The following DNAJB4 variants were observed in gnomAD, a reference collection of about 807,000 sequenced individuals.
DNAJB4 encodes dnaJ homolog subfamily B member 4.
A neutral mutation model predicts 26.6 loss-of-function variants in DNAJB4; 10 were observed. That is an observed-to-expected ratio of 0.38 (90% CI 0.23 to 0.64). The LOEUF (loss-of-function observed/expected upper bound fraction) is 0.64, where lower values mean the gene tolerates loss of function less well. Ranked by LOEUF, DNAJB4 falls within the 30% of genes least tolerant of loss-of-function variation. The pLI is 0.58. For synonymous variants in DNAJB4, 136 were observed against 134.8 expected, an observed-to-expected ratio of 1.01 and a Z score of -0.06; for missense variants, 328 against 408.2, an observed-to-expected ratio of 0.80 and a Z score of 1.69.
chr1:78,012,816 CACAAACAA>C (rs71695717), intron 1 of DNAJB4, among the ~76,000 whole-genome samples: 1 of 151,326 alleles, frequency 6.6e-6, no homozygotes. Flanking sequence ...GTCTCAAAAA[CACAAACAA>C]ACAAAAATGC....
intron 1 of DNAJB4, among the ~76,000 whole-genome samples, chr1:78,012,776 T>C (rs1660525168): frequency 6.6e-6 from 1 of 151,612 alleles, no homozygotes; most frequent in South Asian, 2.1e-4. Context: ...GCCATTGCAC[T>C]CCAGCCTGGG....
At chr1:78,007,214 A>G (rs1264162130) in intron 1 of DNAJB4, among the ~76,000 whole-genome samples, 2 of 151,894 alleles carry the variant, frequency 1.3e-5, no homozygotes, top group Non-Finnish European at 2.9e-5. Context: ...AAGAGTGAGG[A>G]GAGAATGCCT....
Position 78,013,639 on chromosome 1 carries a change from A to G in DNAJB4, c.780+20A>G. On this transcript the variant is annotated intron_variant, in intron 2 of 2. Transcript: ENST00000370763. ...CGAGAGGTAAGTTGGTAGGACCTAAAATCCTAAGACCAAATAATTATGTAG... is the reference window on the plus strand; with the variant it reads ...CGAGAGGTAAGTTGGTAGGACCTAAGATCCTAAGACCAAATAATTATGTAG... 6.5e-7 allele frequency: 1 copy of G among 1,526,994 alleles called. No homozygotes were observed. Among genetic ancestry groups the G allele is most frequent in the Non-Finnish European group, 8.8e-7 (1 of 1,139,632 alleles). 94.6% of individuals were successfully genotyped at this position (1,526,994 alleles called of 1,614,324 possible).
At chr1:78,012,384 A>C (rs1486528623) in intron 1 of DNAJB4, among the ~76,000 whole-genome samples, 2 of 150,936 alleles carry the variant, frequency 1.3e-5, no homozygotes, top group African/African-American at 4.9e-5. Context: ...GGCTGGTCTC[A>C]AACTCCTGAC....
chr1:77,981,640 T>C (rs1301391025), intron 1 of DNAJB4, among the ~76,000 whole-genome samples: 2 of 152,198 alleles, frequency 1.3e-5, no homozygotes, highest in African/African-American at 4.8e-5. Context: ...GCTTAATCTT[T>C]TGGAAAAATT....
chr1:77,995,024 C>T (rs2102596224), intron 1 of DNAJB4, among the ~76,000 whole-genome samples: 1 of 152,282 alleles, frequency 6.6e-6, no homozygotes, highest in South Asian at 2.1e-4. Flanking sequence ...TAGATCTGCA[C>T]TGTCCAACAC....
Position 78,013,507 on chromosome 1 carries a change from C to T in DNAJB4, c.668C>T (p.Thr223Ile). ...ACTTTTCCAAGAGAAGGAGATGAAA[C>T]ACCAAATAGTATTCCAGCAGACATT... ...KITFPREGDE[T>I]PNSIPADIVF... Residue 223 changes from threonine to isoleucine, a missense_variant, in exon 2 of 3, where the codon ACA becomes ATA. Coordinates refer to ENST00000370763, the MANE Select transcript of DNAJB4 (RefSeq NM_007034.5). 6.2e-7 allele frequency: 1 copy of T among 1,613,946 alleles called. No homozygotes were observed. The highest frequency in any genetic ancestry group is 8.5e-7 in the Non-Finnish European group (1 of 1,179,972).
upstream of DNAJB4, chr1:78,004,852 A>G: frequency 8.7e-6 from 4 of 462,326 alleles, no homozygotes; most frequent in South Asian, 1.0e-4. Flanking sequence ...TCTAGAAAGT[A>G]CAGAGACACG....
intron 1 of DNAJB4, among the ~76,000 whole-genome samples, chr1:77,988,949 G>A (rs969926769): frequency 9.2e-5 from 14 of 152,102 alleles, no homozygotes; most frequent in African/African-American, 2.9e-4. Flanking sequence ...GGTTTCAGCT[G>A]GGTCCTTAGT....
At chr1:77,987,922 G>A (rs1030197842) in intron 1 of DNAJB4, among the ~76,000 whole-genome samples, 1 of 146,630 alleles carries the variant, frequency 6.8e-6, no homozygotes, top group Non-Finnish European at 1.5e-5. Context: ...TTTTATATAT[G>A]TACATATATA....
intron 1 of DNAJB4, among the ~76,000 whole-genome samples, chr1:77,998,300 A>G (rs1243687148): frequency 6.6e-6 from 1 of 152,202 alleles, no homozygotes; most frequent in Admixed American, 6.5e-5. Flanking sequence ...CCACCTTTTT[A>G]AACAGTTTGT....
intron 1 of DNAJB4, among the ~76,000 whole-genome samples, chr1:77,992,527 A>G (rs1357953710): frequency 6.6e-6 from 1 of 151,930 alleles, no homozygotes; most frequent in Admixed American, 6.6e-5. Flanking sequence ...GATGAATTAG[A>G]TGGGAATGGT....
At chr1:77,992,407 C>T (rs1289847122) in intron 1 of DNAJB4, among the ~76,000 whole-genome samples, 3 of 58,356 alleles carry the variant, frequency 5.1e-5, no homozygotes, top group African/African-American at 7.6e-5. Flanking sequence ...AGCGAGACTC[C>T]GTCTCAAAAA....
At chr1:78,011,928 A>T (rs1660488780) in intron 1 of DNAJB4, among the ~76,000 whole-genome samples, 1 of 148,624 alleles carries the variant, frequency 6.7e-6, no homozygotes, top group Admixed American at 6.7e-5. Context: ...ATTTTGCTAT[A>T]TATTTTATTA....
At position 78,005,007 on chromosome 1, in the gene DNAJB4, T is replaced by C; in HGVS notation, c.-104T>C. 1 of 1,222,592 alleles carries C rather than the reference T, an allele frequency of 8.2e-7. No homozygotes were observed. The highest frequency in any genetic ancestry group is 1.2e-6 in the Non-Finnish European group (1 of 863,706). The allele number at this position is 1,222,592 out of a possible 1,614,324, so 75.7% of individuals were successfully genotyped here. On this transcript the variant is annotated 5_prime_UTR_variant, in exon 1 of 3. Transcript: ENST00000370763. ...GCTAGCTGAATTGCTGATTAACTTT[T>C]AAAATACCCAGCTTGGTTTATTTTT...
intron 1 of DNAJB4, among the ~76,000 whole-genome samples, chr1:77,991,920 G>C (rs1250545677): frequency 6.6e-6 from 1 of 152,088 alleles, no homozygotes; most frequent in Non-Finnish European, 1.5e-5. Context: ...TATTATTAAG[G>C]TATCTTTAAC....
intron 1 of DNAJB4, 36 bp downstream of exon 1, chr1:78,005,357 C>A: frequency 7.0e-7 from 1 of 1,426,036 alleles, no homozygotes; most frequent in Non-Finnish European, 9.2e-7. Flanking sequence ...GTCTCTTCAG[C>A]TCTGTCTCTT....
At chr1:77,992,559 A>G (rs915097434) in intron 1 of DNAJB4, among the ~76,000 whole-genome samples, 2 of 152,102 alleles carry the variant, frequency 1.3e-5, no homozygotes, top group Admixed American at 1.3e-4. Flanking sequence ...ATACAGAGGT[A>G]TGATTATTAA....
At chr1:77,983,097 A>G (rs1659701158) in intron 1 of DNAJB4, among the ~76,000 whole-genome samples, 1 of 152,202 alleles carries the variant, frequency 6.6e-6, no homozygotes, top group Non-Finnish European at 1.5e-5. Flanking sequence ...CAGGGTCACA[A>G]GACAATTGTG....
Sources: allele counts gnomAD v4.1 joint callset (sites outside exome capture counted in the v4.1 genomes callset), GRCh38; gene constraint gnomAD v4.1.1; transcripts MANE v1.5; gene names NCBI Gene and HGNC (gene_info 2026-07-23, HGNC 2026-07-21).